The following CTNNBL1 variants were observed in gnomAD, a reference collection of about 807,000 sequenced individuals.
The protein encoded by CTNNBL1 is catenin beta like 1.
CTNNBL1 carries 31 observed loss-of-function variants against 72.7 expected under a neutral mutation model. The ratio of observed to expected loss-of-function variants is 0.43; its 90% CI spans 0.32 to 0.58. CTNNBL1 has a LOEUF of 0.58. Ranked by LOEUF, CTNNBL1 falls within the 20% of genes least tolerant of loss-of-function variation. The pLI, the probability that CTNNBL1 is intolerant of heterozygous loss-of-function variation, is 0.08. For missense variants in CTNNBL1, 534 were observed against 725.1 expected (o/e 0.74, Z 3.03); for synonymous variants, 240 against 267.3 (o/e 0.90, Z 1.00).
intron 10 of CTNNBL1, among the ~76,000 whole-genome samples, chr20:37,793,326 G>A (rs8124963): frequency 0.014 from 2,154 of 152,282 alleles, 49 homozygotes; most frequent in African/African-American, 0.049. Context: ...TAAACTTATA[G>A]AATTATATGT....
chr20:37,696,653 A>G (rs1419312893), intron 1 of CTNNBL1, among the ~76,000 whole-genome samples: 3 of 151,446 alleles, frequency 2.0e-5, no homozygotes, highest in Non-Finnish European at 4.4e-5. Flanking sequence ...CATGTTGGTC[A>G]GGCTGGTCTT....
At chr20:37,759,753 C>T (rs891338063) in intron 5 of CTNNBL1, among the ~76,000 whole-genome samples, 5 of 152,124 alleles carry the variant, frequency 3.3e-5, no homozygotes, top group South Asian at 2.1e-4. Flanking sequence ...TGCAACCAGT[C>T]GGAAGTCATC....
chr20:37,747,415 A>G (rs2073276649), intron 4 of CTNNBL1, among the ~76,000 whole-genome samples: 1 of 149,908 alleles, frequency 6.7e-6, no homozygotes. Flanking sequence ...GACTGAGTAC[A>G]CAGTAAATAG....
At chr20:37,836,083 C>T (rs2072251064) in intron 11 of CTNNBL1, among the ~76,000 whole-genome samples, 1 of 152,116 alleles carries the variant, frequency 6.6e-6, no homozygotes, top group Non-Finnish European at 1.5e-5. Context: ...TTTTAAACTC[C>T]ATTGGTAGGG....
At position 37,842,328 on chromosome 20, in the gene CTNNBL1, C is replaced by G. The variant is rs774820354; in HGVS notation, c.1312-11C>G. ...TCCTTCTCACTCAAGCCTGTGAAAT[C>G]TCTCTTTCAGGTTGACAGACTAATG... On this transcript the variant is annotated splice_polypyrimidine_tract_variant and intron_variant, in intron 12 of 15. Transcript: ENST00000361383. 2 of 1,598,178 alleles carry G rather than the reference C, an allele frequency of 1.3e-6. No individual in the cohort carries two copies. The highest frequency in any genetic ancestry group is 1.1e-5 in the South Asian group (1 of 90,730).
intron 15 of CTNNBL1, among the ~76,000 whole-genome samples, chr20:37,867,808 A>G (rs2072548863): frequency 6.6e-6 from 1 of 152,182 alleles, no homozygotes. Context: ...TGTAATAACC[A>G]GAGGTAGCTG....
intron 11 of CTNNBL1, among the ~76,000 whole-genome samples, chr20:37,828,582 G>T (rs961117656): frequency 6.6e-6 from 1 of 152,190 alleles, no homozygotes; most frequent in Non-Finnish European, 1.5e-5. Flanking sequence ...TAGGATTGTT[G>T]TGAGAATTAA....
At position 37,828,602 on chromosome 20, in the gene CTNNBL1, CAT is replaced by C. The variant is rs367877665; in HGVS notation, c.1214-11499_1214-11498del. Among the ~76,000 whole-genome samples, 29 of 152,308 alleles carry C rather than the reference CAT, an allele frequency of 1.9e-4. No homozygotes were observed. In the South Asian group the frequency reaches 4.6e-3, roughly 24 times the overall value. On this transcript the variant is annotated intron_variant, in intron 11 of 15. Coordinates refer to ENST00000361383, the MANE Select transcript of CTNNBL1 (RefSeq NM_030877.5). ...TTGTTGTGAGAATTAAATGAGATAACATGTGTAAAGCACACACAGGCACATAG... is the reference window on the plus strand; with the variant it reads ...TTGTTGTGAGAATTAAATGAGATAACGTGTAAAGCACACACAGGCACATAG...
intron 1 of CTNNBL1, among the ~76,000 whole-genome samples, chr20:37,732,616 A>T (rs78022411): frequency 0.035 from 5,274 of 152,322 alleles, 141 homozygotes; most frequent in Non-Finnish European, 0.056. Flanking sequence ...ATGTGGTGGG[A>T]GAAGTTGTAT....
At chr20:37,766,178 T>C (rs1344118946) in intron 6 of CTNNBL1, among the ~76,000 whole-genome samples, 2 of 152,174 alleles carry the variant, frequency 1.3e-5, no homozygotes, top group East Asian at 3.9e-4. Context: ...CAACACTCTG[T>C]AATTTGGGTT....
chr20:37,735,093 A>G (rs979275232), intron 2 of CTNNBL1, among the ~76,000 whole-genome samples: 1 of 152,256 alleles, frequency 6.6e-6, no homozygotes, highest in African/African-American at 2.4e-5. Context: ...TGTTGCTGAT[A>G]ATAACCATAA....
chr20:37,769,298 T>C (rs2073502031), intron 7 of CTNNBL1, among the ~76,000 whole-genome samples: 1 of 152,210 alleles, frequency 6.6e-6, no homozygotes, highest in South Asian at 2.1e-4. Context: ...GCTATGCACC[T>C]TAACATTTTT....
At chr20:37,861,337 G>A (rs533840432) in intron 15 of CTNNBL1, among the ~76,000 whole-genome samples, 31 of 152,324 alleles carry the variant, frequency 2.0e-4, no homozygotes, top group Admixed American at 2.6e-4. Context: ...GTTACAAGGC[G>A]GGGCCCCTGT....
At chr20:37,719,286 A>T (rs903411512) in intron 1 of CTNNBL1, among the ~76,000 whole-genome samples, 1 of 152,164 alleles carries the variant, frequency 6.6e-6, no homozygotes, top group Admixed American at 6.6e-5. Flanking sequence ...CTAATAGTAA[A>T]TTATGATTCC....
At chr20:37,750,702 C>T (rs1157995336) in intron 4 of CTNNBL1, 1 of 152,132 alleles carries the variant, frequency 6.6e-6, no homozygotes, top group African/African-American at 2.4e-5. Flanking sequence ...TGTCTTTTGC[C>T]ATGTTCTTAA....
intron 10 of CTNNBL1, among the ~76,000 whole-genome samples, chr20:37,795,403 A>G (rs926127217): frequency 2.0e-5 from 3 of 152,304 alleles, no homozygotes; most frequent in South Asian, 2.1e-4. Flanking sequence ...TCCTGCCCCC[A>G]TCCACCTTTA....
chr20:37,788,472 C>T (rs2122709484), intron 10 of CTNNBL1, among the ~76,000 whole-genome samples: 1 of 152,336 alleles, frequency 6.6e-6, no homozygotes, highest in Non-Finnish European at 1.5e-5. Flanking sequence ...AGTCTCTTGC[C>T]TGAACATATT....
rs192413421 is a variant in CTNNBL1, at chr20:37,765,741, C to T, written c.658+451C>T. ...TTTATTTGAAAAAGAGTTTTTCTCT[C>T]TCTTCTTAGGTGTAGACTACCACGT... On this transcript the variant is annotated intron_variant, in intron 6 of 15. Coordinates refer to ENST00000361383, the MANE Select transcript of CTNNBL1 (RefSeq NM_030877.5). 1.1e-4 allele frequency among the ~76,000 whole-genome samples: 16 copies of T among 152,276 alleles called. No homozygotes were observed. In the East Asian group the frequency reaches 2.9e-3, roughly 28 times the overall value.
At chr20:37,786,167 A>G (rs1051726495) in intron 10 of CTNNBL1, among the ~76,000 whole-genome samples, 1 of 152,182 alleles carries the variant, frequency 6.6e-6, no homozygotes, top group Non-Finnish European at 1.5e-5. Context: ...GAGACAAGCA[A>G]GCACCACTGT....
Sources: allele counts gnomAD v4.1 joint callset (sites outside exome capture counted in the v4.1 genomes callset), GRCh38; gene constraint gnomAD v4.1.1; transcripts MANE v1.5; gene names NCBI Gene and HGNC (gene_info 2026-07-23, HGNC 2026-07-21).